The following NKD2 variants were observed in gnomAD, a reference collection of about 807,000 sequenced individuals.
NKD2 encodes the protein protein naked cuticle homolog 2.
Under a neutral mutation model 34.8 loss-of-function variants are expected in NKD2, and 43 were observed. That is an observed-to-expected ratio of 1.24 (90% CI 0.97 to 1.60). The LOEUF (loss-of-function observed/expected upper bound fraction) is 1.60, where lower values mean the gene tolerates loss of function less well. NKD2 is among the 40% of genes most tolerant of loss of function. The pLI is 0.00. For missense variants in NKD2, 675 were observed against 627.1 expected (o/e 1.08, Z -0.82); for synonymous variants, 278 against 265.1 (o/e 1.05, Z -0.47).
Position 1,009,824 on chromosome 5 carries a change from G to A in NKD2, c.141+264G>A, listed in dbSNP as rs1755680700. ...CCTTGTCCTAGGCTGGGAGCCGTGT[G>A]GGGGCTCCATGTTTCGGGCTGGAGG... is the stretch of plus-strand genomic sequence containing the variant. On this transcript the variant is annotated intron_variant, in intron 3 of 9. Coordinates refer to ENST00000296849, the MANE Select transcript of NKD2 (RefSeq NM_033120.4). The surrounding 1 kb of genome is among the most constrained non-coding windows in gnomAD (Gnocchi z 6.9). 6.6e-6 allele frequency among the ~76,000 whole-genome samples: 1 copy of A among 152,146 alleles called. No homozygotes were observed. Among genetic ancestry groups the A allele is most frequent in the African/African-American group, 2.4e-5 (1 of 41,444 alleles).
intron 7 of NKD2, 58 bp downstream of exon 7, chr5:1,034,961 CTG>C: frequency 6.7e-7 from 1 of 1,497,058 alleles, no homozygotes; most frequent in Non-Finnish European, 9.0e-7. Flanking sequence ...GGGGCCTAAG[CTG>C]TGTGCGCGGG....
chr5:1,026,519 A>C (rs1756410710), intron 3 of NKD2, among the ~76,000 whole-genome samples: 1 of 108,550 alleles, frequency 9.2e-6, no homozygotes, highest in African/African-American at 3.5e-5. Context: ...TGCTCTTCCC[A>C]CCCGCTGTGG....
intron 3 of NKD2, among the ~76,000 whole-genome samples, chr5:1,027,869 C>T (rs1422024769): frequency 6.6e-6 from 1 of 152,242 alleles, no homozygotes; most frequent in Non-Finnish European, 1.5e-5. Flanking sequence ...CCAGAGGTGC[C>T]TGCACCGGCA....
At chr5:1,014,096 G>A (rs1755855820) in intron 3 of NKD2, among the ~76,000 whole-genome samples, 1 of 152,246 alleles carries the variant, frequency 6.6e-6, no homozygotes, top group Admixed American at 6.5e-5. Flanking sequence ...GATTTCTGCA[G>A]GTGAAAGAAG....
At position 1,033,465 on chromosome 5, in the gene NKD2, C is replaced by A; in HGVS notation, c.296C>A (p.Pro99Gln). 6.4e-7 allele frequency: 1 copy of A among 1,556,344 alleles called. No homozygotes were observed. Among genetic ancestry groups the A allele is most frequent in the Non-Finnish European group, 8.7e-7 (1 of 1,150,558 alleles). ...DGERAANREGPRGPGGQRLNI... is the reference protein window; with the variant it reads ...DGERAANREGQRGPGGQRLNI... ...GAGAGGGCAGCAAACCGCGAGGGCC[C>A]GCGAGGACCGGGCGGGCAGCGCCTC... The change falls in exon 5 of 10, where the codon CCG becomes CAG. Residue 99 changes from proline to glutamine, a missense_variant. Transcript: ENST00000296849.
At chr5:1,031,401 C>G (rs561150493) in intron 3 of NKD2, among the ~76,000 whole-genome samples, 1 of 152,264 alleles carries the variant, frequency 6.6e-6, no homozygotes, top group African/African-American at 2.4e-5. Context: ...TGTGGGCTTT[C>G]CACGGCTTTC....
intron 3 of NKD2, among the ~76,000 whole-genome samples, chr5:1,023,744 T>C (rs1412095454): frequency 1.4e-3 from 3 of 2,116 alleles, no homozygotes; most frequent in African/African-American, 1.5e-3. Context: ...TGTGGGCGTC[T>C]CAGCCCATTG....
intron 3 of NKD2, among the ~76,000 whole-genome samples, chr5:1,019,337 GTCT>G (rs1323255246): frequency 6.6e-6 from 1 of 152,208 alleles, no homozygotes. Flanking sequence ...GATGCGCGTG[GTCT>G]TCTCTGAACA....
rs367662609 is a variant in NKD2 at position 1,032,227 on chromosome 5, C to T, written c.202+15C>T. On this transcript the variant is annotated intron_variant, in intron 4 of 9. Coordinates refer to ENST00000296849, the MANE Select transcript of NKD2 (RefSeq NM_033120.4). ...TCCCCTACAGGGTGAGTGCAGCTCC[C>T]GCAGCCCTCCCTCCCCAAACTCACA... The T allele has an allele frequency of 2.2e-4, 353 of 1,598,198 alleles. 1 individual carries two copies. In the East Asian group the frequency reaches 6.2e-3, roughly 28 times the overall value.
chr5:1,033,363 T>C lies in NKD2; in HGVS notation c.203-9T>C. On this transcript the variant is annotated splice_polypyrimidine_tract_variant and intron_variant, in intron 4 of 9. Coordinates refer to ENST00000296849, the MANE Select transcript of NKD2 (RefSeq NM_033120.4). ...CTGCCAGCCCCTTCGCCTCCTCTTG[T>C]CCCCCTAGTGGCACTCCCCGCTGAG... is the stretch of plus-strand genomic sequence containing the variant. The C allele has an allele frequency of 1.3e-6, 2 of 1,592,952 alleles. No individual in the cohort carries two copies. The highest frequency in any genetic ancestry group is 1.7e-6 in the Non-Finnish European group (2 of 1,170,136).
At chr5:1,033,803 A>G (rs1756742117) in intron 5 of NKD2, among the ~76,000 whole-genome samples, 1 of 152,196 alleles carries the variant, frequency 6.6e-6, no homozygotes, top group African/African-American at 2.4e-5. Flanking sequence ...GCCAAAGCTG[A>G]CTTGACGGAC....
chr5:1,037,577 C>T, intron 9 of NKD2: 1 of 1,535,896 alleles, frequency 6.5e-7, no homozygotes, highest in Non-Finnish European at 8.7e-7. Context: ...GGGGACAAGG[C>T]TAGAGGAGTC....
chr5:1,011,803 C>CT (rs1025053014), intron 3 of NKD2, among the ~76,000 whole-genome samples: 1 of 152,274 alleles, frequency 6.6e-6, no homozygotes, highest in African/African-American at 2.4e-5. Context: ...AACAGCAGCA[C>CT]TTTCCCAGAC....
intron 3 of NKD2, among the ~76,000 whole-genome samples, chr5:1,012,198 C>G (rs1005064059): frequency 6.6e-6 from 1 of 152,264 alleles, no homozygotes; most frequent in Non-Finnish European, 1.5e-5. Context: ...GTTCTGAAGA[C>G]AAGAGTCACT....
At chr5:1,020,848 C>A (rs1474177900) in intron 3 of NKD2, among the ~76,000 whole-genome samples, 1 of 152,036 alleles carries the variant, frequency 6.6e-6, no homozygotes, top group African/African-American at 2.4e-5. Flanking sequence ...TTAGGCTGAG[C>A]GTCCACCCTC....
intron 3 of NKD2, among the ~76,000 whole-genome samples, chr5:1,017,672 C>G (rs539816045): frequency 3.3e-5 from 5 of 152,116 alleles, no homozygotes; most frequent in African/African-American, 7.2e-5. Context: ...CACAGCCCCC[C>G]ACCACGGGGC....
chr5:1,011,819 T>C (rs970850972), intron 3 of NKD2, among the ~76,000 whole-genome samples: 3 of 152,264 alleles, frequency 2.0e-5, no homozygotes, highest in Non-Finnish European at 4.4e-5. Context: ...CAGACAGGTG[T>C]GTCTCTGCAC....
Position 1,009,625 on chromosome 5 carries a change from G to C in NKD2, c.141+65G>C. On this transcript the variant is annotated intron_variant, in intron 3 of 9. Transcript: ENST00000296849. This position sits in a 1 kb window ranked among gnomAD's most constrained non-coding sequence, Gnocchi z 6.9. The stretch of plus-strand genomic sequence containing the variant: ...CGCCCGGGGGCGGGGAGCGGTGTCA[G>C]AGCTGTTCCTGGTGCCCGCCCGCGG... The C allele has an allele frequency of 7.7e-7, 1 of 1,304,396 alleles. No homozygotes were observed. Among genetic ancestry groups the C allele is most frequent in the Non-Finnish European group, 9.9e-7 (1 of 1,010,482 alleles). 80.8% of individuals were successfully genotyped at this position (1,304,396 alleles called of 1,614,324 possible).
In NKD2 at chr5:1,035,526, C is replaced by T. The variant is rs373830346; in HGVS notation, c.659+53C>T. ...TGTGCCTTAGGCGGGGGCACCCTGG[C>T]CACACCCCTGCTTCCCGCAGGCCAC... On this transcript the variant is annotated intron_variant, in intron 8 of 9. Coordinates refer to ENST00000296849, the MANE Select transcript of NKD2 (RefSeq NM_033120.4). 1.3e-4 allele frequency: 184 copies of T among 1,397,720 alleles called. No individual in the cohort carries two copies. The Admixed American group carries it at 3.5e-3, about 27-fold the overall frequency. The allele number at this position is 1,397,720 out of a possible 1,614,324, so 86.6% of individuals were successfully genotyped here.
Sources: allele counts gnomAD v4.1 joint callset (sites outside exome capture counted in the v4.1 genomes callset), GRCh38; gene constraint gnomAD v4.1.1; non-coding constraint Gnocchi (gnomAD v3.1); transcripts MANE v1.5; gene names NCBI Gene and HGNC (gene_info 2026-07-23, HGNC 2026-07-21).